Variants in VWA5B1 observed in about 807,000 individuals in gnomAD.
VWA5B1 encodes the protein von Willebrand factor A domain-containing protein 5B1.
Under a neutral mutation model 118.2 loss-of-function variants are expected in VWA5B1, and 115 were observed. That is an observed-to-expected ratio of 0.97 (90% CI 0.84 to 1.14). VWA5B1 has a LOEUF of 1.14. VWA5B1 is among the 50% of genes most tolerant of loss of function. The pLI is 0.00. For synonymous variants in VWA5B1, 682 were observed against 658.4 expected, an observed-to-expected ratio of 1.04 and a Z score of -0.55; for missense variants, 1,596 against 1,603.8, an observed-to-expected ratio of 1.00 and a Z score of 0.08.
intron 1 of VWA5B1, among the ~76,000 whole-genome samples, chr1:20,298,008 T>TG (rs2088438496): frequency 6.7e-6 from 1 of 149,658 alleles, no homozygotes; most frequent in Non-Finnish European, 1.5e-5. Flanking sequence ...TTTTTTTTTT[T>TG]TTTTTTTTTT....
intron 1 of VWA5B1, among the ~76,000 whole-genome samples, chr1:20,291,379 CTCTCTCTT>C (rs903831996): frequency 1.3e-5 from 2 of 149,112 alleles, no homozygotes; most frequent in Admixed American, 6.7e-5. Context: ...CTCTCTCTCT[CTCTCTCTT>C]TCTGTCTCCT....
chr1:20,338,169 T>C (rs2089777136), intron 14 of VWA5B1: 4 of 468,704 alleles, frequency 8.5e-6, no homozygotes, highest in African/African-American at 5.9e-5. Context: ...GATGTGGAAA[T>C]TGAGAGCCAG....
chr1:20,308,815 G>A (rs2088750414), intron 1 of VWA5B1, among the ~76,000 whole-genome samples: 1 of 152,178 alleles, frequency 6.6e-6, no homozygotes, highest in Non-Finnish European at 1.5e-5. Flanking sequence ...GATCTCAGCT[G>A]GGGACATGGA....
chr1:20,315,332 C>T (rs549335409), intron 4 of VWA5B1, among the ~76,000 whole-genome samples: 33 of 152,174 alleles, frequency 2.2e-4, no homozygotes, highest in Non-Finnish European at 3.7e-4. Context: ...GCTAAGACTG[C>T]GTTTCTCCCA....
Position 20,319,110 on chromosome 1 carries a change from G to A in VWA5B1, c.842-272G>A, listed in dbSNP as rs193107851. ...AGAATGTCAGGACCTAAACACATCA[G>A]AGAGTCATTTAACCCCATCCTACTA... is the stretch of plus-strand genomic sequence containing the variant. On this transcript the variant is annotated intron_variant, in intron 6 of 21. Transcript: ENST00000289815. Among the ~76,000 whole-genome samples the A allele has an allele frequency of 3.1e-3, 475 of 152,338 alleles. 1 individual carries two copies. Among genetic ancestry groups the A allele is most frequent in the African/African-American group, 0.011 (464 of 41,586 alleles).
rs114648956 is a variant in VWA5B1 at position 20,306,667 on chromosome 1, C to A, written c.-26-3909C>A. Among the ~76,000 whole-genome samples, 502 of 152,270 alleles carry A rather than the reference C, an allele frequency of 3.3e-3. 1 individual carries two copies. Among genetic ancestry groups the A allele is most frequent in the African/African-American group, 0.012 (484 of 41,558 alleles). ...ATATTTATTGAGCACCTATTATGTG[C>A]CAGGCATAAATATGAATAATGTCCT... On this transcript the variant is annotated intron_variant, in intron 1 of 21. Coordinates refer to ENST00000289815, the MANE Select transcript of VWA5B1 (RefSeq NM_001039500.3).
At chr1:20,295,283 G>A (rs1005535932) in intron 1 of VWA5B1, among the ~76,000 whole-genome samples, 1 of 152,148 alleles carries the variant, frequency 6.6e-6, no homozygotes, top group African/African-American at 2.4e-5. Flanking sequence ...GAGTCAGAGC[G>A]GAAGAGAAAT....
In VWA5B1 at chr1:20,317,691, C is replaced by A. The variant is rs1252346824; in HGVS notation, c.709+16C>A. The stretch of plus-strand genomic sequence containing the variant: ...CTGCTCGCAGGTGAGAGGGAGACAT[C>A]CAGACGGGATGGGTGAGCTTCAGGC... On this transcript the variant is annotated intron_variant, in intron 5 of 21. Coordinates refer to ENST00000289815, the MANE Select transcript of VWA5B1 (RefSeq NM_001039500.3). The A allele has an allele frequency of 1.9e-6, 3 of 1,546,764 alleles. No homozygotes were observed. The highest frequency in any genetic ancestry group is 1.4e-5 in the African/African-American group (1 of 72,678).
Position 20,357,314 on chromosome 1 carries a change from C to T in VWA5B1, c.*3051C>T, listed in dbSNP as rs992148932. Among the ~76,000 whole-genome samples the T allele has an allele frequency of 6.6e-6, 1 of 152,234 alleles. No individual in the cohort carries two copies. ...CGGGGGTTCACAAGATCAGCATTTC[C>T]AACCCTGTTCCTCACTTAGATGAGA... On this transcript the variant is annotated 3_prime_UTR_variant, in exon 22 of 22. Transcript: ENST00000289815.
intron 20 of VWA5B1, among the ~76,000 whole-genome samples, chr1:20,351,450 G>A (rs1270641329): frequency 2.0e-5 from 3 of 152,036 alleles, no homozygotes; most frequent in Admixed American, 6.6e-5. Context: ...TCAGGAGTTC[G>A]AGACCAGCCT....
In VWA5B1 at chr1:20,353,750, CA is replaced by C; in HGVS notation, c.3142-6del. 6.9e-7 allele frequency: 1 copy of C among 1,454,184 alleles called. No individual in the cohort carries two copies. The highest frequency in any genetic ancestry group is 2.5e-5 in the East Asian group (1 of 40,026). 90.1% of individuals were successfully genotyped at this position (1,454,184 alleles called of 1,614,324 possible). Reference sequence around the variant, plus strand: ...GAGGCCCACTGAAGGGCTTCCCCCACACACAGGTGTCTCTGCAGCTGGCCTC... The same window carrying C: ...GAGGCCCACTGAAGGGCTTCCCCCACCACAGGTGTCTCTGCAGCTGGCCTC... On this transcript the variant is annotated splice_polypyrimidine_tract_variant and splice_region_variant and intron_variant, in intron 21 of 21. Transcript: ENST00000289815.
chr1:20,343,203 C>T lies in VWA5B1; in HGVS notation c.2436C>T (p.Ala812=). 1.3e-6 allele frequency: 2 copies of T among 1,549,860 alleles called. No homozygotes were observed. The highest frequency in any genetic ancestry group is 1.7e-6 in the Non-Finnish European group (2 of 1,146,792). ...PATPAPVLGK[A]LVKGLHDSQR... ...CCCCGGCCCCGGTGCTGGGCAAGGC[C>T]CTGGTCAAAGGCCTGCACGACAGCC... Residue 812 remains alanine, a synonymous_variant, in exon 16 of 22, where the codon GCC becomes GCT. Transcript: ENST00000289815.
chr1:20,343,938 C>A (rs2089953241), intron 16 of VWA5B1, among the ~76,000 whole-genome samples: 2 of 127,308 alleles, frequency 1.6e-5, no homozygotes, highest in African/African-American at 6.2e-5. Context: ...CAGGATCAGC[C>A]CTTCATCTCT....
intron 4 of VWA5B1, among the ~76,000 whole-genome samples, chr1:20,316,008 G>C (rs12048310): frequency 0.12 from 18,009 of 151,920 alleles, 1,776 homozygotes; most frequent in East Asian, 0.54. Flanking sequence ...GTCCTAATAC[G>C]CTTATTCCTG....
chr1:20,312,926 A>G lies in VWA5B1; in HGVS notation c.230A>G (p.Asp77Gly), dbSNP rs989222680. 1 of 1,551,586 alleles carries G rather than the reference A, an allele frequency of 6.4e-7. No individual in the cohort carries two copies. The highest frequency in any genetic ancestry group is 1.4e-5 in the African/African-American group (1 of 73,058). ...ADRVVTVQIKDKAKLESGHFD... is the reference protein window; with the variant it reads ...ADRVVTVQIKGKAKLESGHFD... ...CGTGTCGTGACAGTACAGATCAAGG[A>G]CAAAGCCAAGCTGGAGAGCGGCCAC... The change falls in exon 3 of 22, where the codon GAC becomes GGC. Residue 77 changes from aspartate to glycine, a missense_variant. Asp to Gly is a moderately conservative substitution (Grantham distance 94). Transcript: ENST00000289815.
chr1:20,343,355 T>C lies in VWA5B1; in HGVS notation c.2588T>C (p.Phe863Ser). The change falls in exon 16 of 22, where the codon TTC becomes TCC. Residue 863 changes from phenylalanine (F) to serine (S), a missense_variant. Phe to Ser is a radical substitution (Grantham distance 155). Transcript: ENST00000289815. The part of the protein sequence containing the change: ...HLAARAIIRD[F>S]EQLAEREGEI... Reference sequence around the variant, plus strand: ...GCGGCCCGCGCCATCATCCGCGACTTCGAGCAGCTGGCGGAGCGCGAGGGC... The same window carrying C: ...GCGGCCCGCGCCATCATCCGCGACTCCGAGCAGCTGGCGGAGCGCGAGGGC... The C allele has an allele frequency of 1.3e-6, 2 of 1,540,026 alleles. No individual in the cohort carries two copies. Among genetic ancestry groups the C allele is most frequent in the Non-Finnish European group, 1.7e-6 (2 of 1,144,520 alleles).
chr1:20,300,958 T>C (rs2088491438), intron 1 of VWA5B1, among the ~76,000 whole-genome samples: 1 of 152,218 alleles, frequency 6.6e-6, no homozygotes. Flanking sequence ...GGACTTGTCC[T>C]CAGGCCAGGG....
At chr1:20,349,404 G>C (rs972073514) in intron 18 of VWA5B1, 12 of 98,496 alleles carry the variant, frequency 1.2e-4, no homozygotes, top group African/African-American at 4.2e-4. Context: ...TATTTATTTA[G>C]ATGGAGTCTC....
chr1:20,298,210 G>T (rs1004383856), intron 1 of VWA5B1, among the ~76,000 whole-genome samples: 5 of 151,712 alleles, frequency 3.3e-5, no homozygotes, highest in Non-Finnish European at 7.4e-5. Flanking sequence ...GTCCCTCTAT[G>T]TTGCCCAGGC....
Sources: gnomAD v4.1 joint callset for allele counts (sites outside exome capture counted in the v4.1 genomes callset) on GRCh38, gnomAD v4.1.1 for gene constraint, MANE v1.5 for transcripts, NCBI Gene and HGNC (gene_info 2026-07-23, HGNC 2026-07-21) for gene names.